The following ITPRID1 variants were observed in gnomAD, a reference collection of about 807,000 sequenced individuals.
ITPRID1 encodes the protein protein ITPRID1.
Under a neutral mutation model 95.4 loss-of-function variants are expected in ITPRID1, and 96 were observed. The ratio of observed to expected loss-of-function variants is 1.01; its 90% CI spans 0.85 to 1.19. The LOEUF (loss-of-function observed/expected upper bound fraction) is 1.19, where lower values mean the gene tolerates loss of function less well. ITPRID1 is among the 50% of genes most tolerant of loss of function. The probability of loss-of-function intolerance (pLI) is 0.00; values close to 1 mark genes in which losing one functional copy is unlikely to be tolerated. For synonymous variants in ITPRID1, 510 were observed against 453.6 expected (o/e 1.12, Z -1.58); for missense variants, 1,339 against 1,252.9 (o/e 1.07, Z -1.04).
chr7:31,574,661 T>C lies in ITPRID1; in HGVS notation c.517T>C (p.Ser173Pro). 1 of 1,613,924 alleles carries C rather than the reference T, an allele frequency of 6.2e-7. No homozygotes were observed. The highest frequency in any genetic ancestry group is 8.5e-7 in the Non-Finnish European group (1 of 1,179,850). ...CCCAGCCAGATTCCTTGGTTGTGGC[T>C]CAGCAGCCAGAGGAATCAACATCCG... ...QIPARFLGCG[S>P]AARGINIRVF... The change falls in exon 8 of 15, where the codon TCA becomes CCA. Residue 173 changes from serine (S) to proline (P), a missense_variant. Coordinates refer to ENST00000615280, the MANE Select transcript of ITPRID1 (RefSeq NM_001257967.3).
chr7:31,619,653 C>G (rs922147535), intron 10 of ITPRID1, among the ~76,000 whole-genome samples: 2 of 152,090 alleles, frequency 1.3e-5, no homozygotes, highest in Non-Finnish European at 1.5e-5. Context: ...GGAACAGCTC[C>G]AGTCTACAGC....
chr7:31,520,515 T>TTGTGTG (rs57709822), intron 1 of ITPRID1, among the ~76,000 whole-genome samples: 121 of 135,652 alleles, frequency 8.9e-4, no homozygotes, highest in Non-Finnish European at 1.1e-3. Context: ...TACCACATCA[T>TTGTGTG]TGTGTGTGTG....
At chr7:31,543,981 G>A (rs1784014469) in intron 1 of ITPRID1, among the ~76,000 whole-genome samples, 1 of 151,898 alleles carries the variant, frequency 6.6e-6, no homozygotes, top group Admixed American at 6.6e-5. Flanking sequence ...AACTTTTCTA[G>A]CATCACTTGT....
intron 10 of ITPRID1, among the ~76,000 whole-genome samples, chr7:31,611,253 C>T (rs1367291375): frequency 6.6e-6 from 1 of 151,468 alleles, no homozygotes; most frequent in Non-Finnish European, 1.5e-5. Context: ...CCTCCTCCCT[C>T]CTTTGCGGTA....
At chr7:31,586,792 C>T (rs1156479594) in intron 10 of ITPRID1, among the ~76,000 whole-genome samples, 5 of 151,810 alleles carry the variant, frequency 3.3e-5, no homozygotes, top group South Asian at 2.1e-4. Context: ...TTGTAGGTTG[C>T]CTGTTCACTC....
rs1784208834 is a variant in ITPRID1 at position 31,549,437 on chromosome 7, A to G, written c.-86A>G. The G allele has an allele frequency of 1.3e-6, 2 of 1,494,384 alleles. No homozygotes were observed. The highest frequency in any genetic ancestry group is 1.4e-5 in the South Asian group (1 of 74,066). The allele number at this position is 1,494,384 out of a possible 1,614,324, so 92.6% of individuals were successfully genotyped here. A position where few individuals can be genotyped will look rare whatever the true frequency, so the allele number is the denominator to read the frequency against. On this transcript the variant is annotated 5_prime_UTR_variant, in exon 2 of 15. Coordinates refer to ENST00000615280, the MANE Select transcript of ITPRID1 (RefSeq NM_001257967.3). Reference sequence around the variant, plus strand: ...TCTTTACTTGACAGTTCCTGACAGGATAAGGACAAGAAGCAACACACAGAA... The same window carrying G: ...TCTTTACTTGACAGTTCCTGACAGGGTAAGGACAAGAAGCAACACACAGAA...
chr7:31,589,148 A>G (rs1448178130), intron 10 of ITPRID1, among the ~76,000 whole-genome samples: 2 of 152,064 alleles, frequency 1.3e-5, no homozygotes. Flanking sequence ...AATAAATAAT[A>G]AAATGGAAAT....
intron 10 of ITPRID1, among the ~76,000 whole-genome samples, chr7:31,592,840 A>G (rs1192290652): frequency 6.6e-6 from 1 of 152,230 alleles, no homozygotes; most frequent in Non-Finnish European, 1.5e-5. Flanking sequence ...ATTGAACTCA[A>G]GTAATAAAAC....
intron 5 of ITPRID1, among the ~76,000 whole-genome samples, chr7:31,562,318 G>A (rs1405482240): frequency 6.6e-6 from 1 of 152,100 alleles, no homozygotes; most frequent in East Asian, 1.9e-4. Flanking sequence ...GAAAAGACTA[G>A]AAGTAACTCC....
At chr7:31,551,319 T>G (rs1784279020) in intron 2 of ITPRID1, among the ~76,000 whole-genome samples, 1 of 143,364 alleles carries the variant, frequency 7.0e-6, no homozygotes, top group Non-Finnish European at 1.6e-5. Context: ...AAAATTTCAG[T>G]GAGTTTTTAA....
At chr7:31,625,027 C>T (rs1788314982) in intron 10 of ITPRID1, among the ~76,000 whole-genome samples, 4 of 152,192 alleles carry the variant, frequency 2.6e-5, no homozygotes, top group Admixed American at 2.6e-4. Context: ...AAAAAATGCT[C>T]ATCATCACTG....
At chr7:31,614,219 C>A (rs1005313524) in intron 10 of ITPRID1, among the ~76,000 whole-genome samples, 1 of 152,168 alleles carries the variant, frequency 6.6e-6, no homozygotes, top group African/African-American at 2.4e-5. Flanking sequence ...TCTTGTGCAT[C>A]TTCTTGTGTA....
At chr7:31,648,536 G>A (rs1489238601) in intron 12 of ITPRID1, among the ~76,000 whole-genome samples, 1 of 152,094 alleles carries the variant, frequency 6.6e-6, no homozygotes, top group Non-Finnish European at 1.5e-5. Context: ...TTCTCAGAGA[G>A]CAAACACTCC....
At chr7:31,543,430 G>T (rs932904450) in intron 1 of ITPRID1, among the ~76,000 whole-genome samples, 2 of 151,996 alleles carry the variant, frequency 1.3e-5, no homozygotes, top group Non-Finnish European at 2.9e-5. Context: ...CTCATAGCTT[G>T]CTTATGAGTA....
intron 10 of ITPRID1, among the ~76,000 whole-genome samples, chr7:31,586,485 A>C (rs2128151517): frequency 6.6e-6 from 1 of 151,496 alleles, no homozygotes; most frequent in Non-Finnish European, 1.5e-5. Context: ...ATTTCTCCAC[A>C]TCCTCTCCAG....
rs1785161971 is a variant in ITPRID1 at position 31,575,848 on chromosome 7, A to G, written c.598+1106A>G. Among the ~76,000 whole-genome samples, 3 of 151,552 alleles carry G rather than the reference A, an allele frequency of 2.0e-5. No homozygotes were observed. The Admixed American group carries it at 2.0e-4, about 10-fold the overall frequency. On this transcript the variant is annotated intron_variant, in intron 8 of 14. Transcript: ENST00000615280. ...TTTTAGCTCCCGTTTCTCCGTTTTCAAGTAGGTAAAATGGGTCTCAAAACT... is the reference window on the plus strand; with the variant it reads ...TTTTAGCTCCCGTTTCTCCGTTTTCGAGTAGGTAAAATGGGTCTCAAAACT...
At chr7:31,631,755 G>C (rs748367683) in intron 10 of ITPRID1, among the ~76,000 whole-genome samples, 8 of 152,306 alleles carry the variant, frequency 5.3e-5, no homozygotes, top group Non-Finnish European at 7.3e-5. Context: ...AGTGCTAATG[G>C]AAGTAATTCA....
intron 12 of ITPRID1, among the ~76,000 whole-genome samples, chr7:31,648,864 CAA>C (rs1442901488): frequency 6.6e-6 from 1 of 152,172 alleles, no homozygotes; most frequent in Non-Finnish European, 1.5e-5. Flanking sequence ...AGAAATGAAA[CAA>C]GAGATGGGTT....
intron 1 of ITPRID1, among the ~76,000 whole-genome samples, chr7:31,524,008 C>G (rs1051724002): frequency 6.6e-6 from 1 of 152,150 alleles, no homozygotes; most frequent in Non-Finnish European, 1.5e-5. Context: ...AATCATTACC[C>G]TAGGCAATAC....
Sources: allele counts gnomAD v4.1 joint callset (sites outside exome capture counted in the v4.1 genomes callset), GRCh38; gene constraint gnomAD v4.1.1; transcripts MANE v1.5; gene names NCBI Gene and HGNC (gene_info 2026-07-23, HGNC 2026-07-21).